RBFOX1: variants seen among roughly 807,000 people sequenced by gnomAD.
RBFOX1 encodes RNA binding fox-1 homolog 1.
Under a neutral mutation model 57.7 loss-of-function variants are expected in RBFOX1, and 8 were observed. The observed-to-expected ratio is 0.14, with a 90% confidence interval of 0.08 to 0.25. The LOEUF (loss-of-function observed/expected upper bound fraction) is 0.25. Among genes scored for constraint, RBFOX1 ranks in the 10% least tolerant of loss-of-function variants. The pLI is 1.00. For synonymous variants in RBFOX1, 326 were observed against 222.4 expected (o/e 1.47, Z -4.15); for missense variants, 611 against 548.5 (o/e 1.11, Z -1.14).
rs369296784 is a variant in RBFOX1 at position 6,383,749 on chromosome 16, G to A, written c.-64+66692G>A. On this transcript the variant is annotated intron_variant, in intron 2 of 15. Coordinates refer to ENST00000550418, the MANE Select transcript of RBFOX1 (RefSeq NM_018723.4). ...CGCACCACTGCACTCCAGCCTGGGC[G>A]ACAGTGCGAGAATTTATCTTGGAAA... Among the ~76,000 whole-genome samples, 21 of 151,710 alleles carry A rather than the reference G, an allele frequency of 1.4e-4. No homozygotes were observed. The East Asian group carries it at 2.1e-3, about 15-fold the overall frequency.
At chr16:6,023,570 T>C (rs2095127359) in intron 1 of RBFOX1, among the ~76,000 whole-genome samples, 1 of 152,184 alleles carries the variant, frequency 6.6e-6, no homozygotes, top group Admixed American at 6.5e-5. Context: ...AAATCGTATT[T>C]GACACAGAAA....
intron 1 of RBFOX1, among the ~76,000 whole-genome samples, chr16:5,331,321 C>T (rs972687919): frequency 6.6e-6 from 1 of 152,218 alleles, no homozygotes; most frequent in African/African-American, 2.4e-5. Context: ...TACAGAAGTG[C>T]TGTGTAACAA....
chr16:7,305,197 C>G (rs1302551208), intron 4 of RBFOX1, among the ~76,000 whole-genome samples: 1 of 151,688 alleles, frequency 6.6e-6, no homozygotes, highest in Non-Finnish European at 1.5e-5. Context: ...TCTGTGTTTG[C>G]TTTATTTTCC....
chr16:6,737,104 T>C lies in RBFOX1; in HGVS notation c.-16+82454T>C, dbSNP rs77608455. On this transcript the variant is annotated intron_variant, in intron 3 of 15. Coordinates refer to ENST00000550418, the MANE Select transcript of RBFOX1 (RefSeq NM_018723.4). ...AGTGAAAAATCAGTTCTGAGTAAGATAGTCCCTGCCTTCATTGGGTTTACA... is the reference window on the plus strand; with the variant it reads ...AGTGAAAAATCAGTTCTGAGTAAGACAGTCCCTGCCTTCATTGGGTTTACA... Among the ~76,000 whole-genome samples, 274 of 152,292 alleles carry C rather than the reference T, an allele frequency of 1.8e-3. 3 individuals carry two copies. In the East Asian group the frequency reaches 0.047, roughly 26 times the overall value.
chr16:7,190,954 C>G (rs192155223), intron 4 of RBFOX1, among the ~76,000 whole-genome samples: 2 of 151,806 alleles, frequency 1.3e-5, no homozygotes, highest in Non-Finnish European at 1.5e-5. Context: ...TCTCCCTAAT[C>G]ATCTCAATCA....
chr16:6,764,642 G>A (rs950892574), intron 3 of RBFOX1, among the ~76,000 whole-genome samples: 1 of 152,116 alleles, frequency 6.6e-6, no homozygotes, highest in Non-Finnish European at 1.5e-5. Flanking sequence ...TAATTATTAA[G>A]AGTAAATGCA....
intron 4 of RBFOX1, among the ~76,000 whole-genome samples, chr16:7,410,065 G>GTGATGATGA (rs55881929): frequency 6.6e-6 from 1 of 151,512 alleles, no homozygotes; most frequent in Non-Finnish European, 1.5e-5. Context: ...GGAGTCTTCA[G>GTGATGATGA]TGATGATGAT....
chr16:5,676,193 C>G (rs575630695), intron 3 of RBFOX1, among the ~76,000 whole-genome samples: 1 of 151,800 alleles, frequency 6.6e-6, no homozygotes. Flanking sequence ...ACCACCATGG[C>G]ACATGTATAC....
intron 3 of RBFOX1, among the ~76,000 whole-genome samples, chr16:6,877,099 T>C (rs76910090): frequency 1.3e-5 from 2 of 152,188 alleles, no homozygotes; most frequent in East Asian, 3.9e-4. Context: ...TTAACAAGCA[T>C]AGGCAGTCCC....
intron 4 of RBFOX1, among the ~76,000 whole-genome samples, chr16:7,227,117 A>G (rs549698862): frequency 6.6e-6 from 1 of 151,974 alleles, no homozygotes; most frequent in Admixed American, 6.6e-5. Flanking sequence ...GGTCCTGGAG[A>G]TATTTGAGTT....
At position 6,768,434 on chromosome 16, in the gene RBFOX1, C is replaced by CAG. The variant is rs1203341089; in HGVS notation, c.-16+113793_-16+113794dup. On this transcript the variant is annotated intron_variant, in intron 3 of 15. Transcript: ENST00000550418. Reference sequence around the variant, plus strand: ...CAAGCAAATCAAACATATAAGAGTGCAGAGAGAGAGGGAAAATTCCCCCCC... The same window carrying CAG: ...CAAGCAAATCAAACATATAAGAGTGCAGAGAGAGAGAGGGAAAATTCCCCCCC... 9.9e-5 allele frequency among the ~76,000 whole-genome samples: 15 copies of CAG among 151,774 alleles called. No homozygotes were observed. The East Asian group carries it at 2.9e-3, about 30-fold the overall frequency.
At chr16:5,485,140 A>G (rs990989552) in intron 2 of RBFOX1, among the ~76,000 whole-genome samples, 1 of 151,860 alleles carries the variant, frequency 6.6e-6, no homozygotes, top group Non-Finnish European at 1.5e-5. Flanking sequence ...AGGTCAGAAG[A>G]TCAAGACCGT....
chr16:6,331,330 C>T (rs1385320764), intron 2 of RBFOX1, among the ~76,000 whole-genome samples: 1 of 152,002 alleles, frequency 6.6e-6, no homozygotes, highest in African/African-American at 2.4e-5. Context: ...GCCTGTAGTC[C>T]CAGCTACTGG....
chr16:6,217,433 A>T (rs961090599), intron 1 of RBFOX1, among the ~76,000 whole-genome samples: 1 of 152,110 alleles, frequency 6.6e-6, no homozygotes, highest in Non-Finnish European at 1.5e-5. Flanking sequence ...ATAATCAAAC[A>T]TTTCAGTATT....
intron 14 of RBFOX1, among the ~76,000 whole-genome samples, chr16:7,702,706 G>T (rs1016440971): frequency 6.6e-6 from 1 of 152,116 alleles, no homozygotes; most frequent in Non-Finnish European, 1.5e-5. Context: ...GCTGAAAGCC[G>T]AGCATTTTGT....
At chr16:5,720,321 A>T (rs7205988) in intron 3 of RBFOX1, among the ~76,000 whole-genome samples, 1 of 152,074 alleles carries the variant, frequency 6.6e-6, no homozygotes, top group African/African-American at 2.4e-5. Flanking sequence ...TGTGGATCCT[A>T]GTCCTTGATG....
intron 4 of RBFOX1, among the ~76,000 whole-genome samples, chr16:7,455,204 A>G (rs1365675283): frequency 6.6e-6 from 1 of 152,218 alleles, no homozygotes; most frequent in Non-Finnish European, 1.5e-5. Flanking sequence ...TTAGCCTACC[A>G]AATGCTTTGG....
chr16:6,172,488 C>T (rs1446994191), intron 1 of RBFOX1, among the ~76,000 whole-genome samples: 1 of 152,174 alleles, frequency 6.6e-6, no homozygotes, highest in Non-Finnish European at 1.5e-5. Context: ...AAAATTGCCC[C>T]TGTGGCCCCC....
rs36218292 is a variant in RBFOX1, at chr16:6,028,509, T to TAAAAA, written c.-127+8538_-127+8542dup. Among the ~76,000 whole-genome samples, 321 of 104,494 alleles carry TAAAAA rather than the reference T, an allele frequency of 3.1e-3. 5 individuals are homozygous for TAAAAA. Among genetic ancestry groups the TAAAAA allele is most frequent in the Middle Eastern group, 0.011 (2 of 174 alleles). 68.6% of individuals were successfully genotyped at this position (104,494 alleles called of 152,430 possible). On this transcript the variant is annotated intron_variant, in intron 1 of 15. Transcript: ENST00000550418. ...CAACATAATGAGACCCTGTCTCTGTTAAAAAAAAAAAAAAAAAAAAAAAAA... is the reference window on the plus strand; with the variant it reads ...CAACATAATGAGACCCTGTCTCTGTTAAAAAAAAAAAAAAAAAAAAAAAAAAAAAA...
Sources: gnomAD v4.1 joint callset for allele counts (sites outside exome capture counted in the v4.1 genomes callset) on GRCh38, gnomAD v4.1.1 for gene constraint, MANE v1.5 for transcripts, NCBI Gene and HGNC (gene_info 2026-07-23, HGNC 2026-07-21) for gene names.